The following MACROD2 variants were observed in gnomAD, a reference collection of about 807,000 sequenced individuals.
MACROD2 encodes mono-ADP ribosylhydrolase 2, also known as ADP-ribose glycohydrolase MACROD2.
Under a neutral mutation model 70.4 loss-of-function variants are expected in MACROD2, and 36 were observed. That is an observed-to-expected ratio of 0.51 (90% CI 0.39 to 0.68). MACROD2 has a LOEUF of 0.68. Among genes scored for constraint, MACROD2 ranks in the 30% least tolerant of loss-of-function variants. The probability of loss-of-function intolerance (pLI) is 0.00; values close to 1 mark genes in which losing one functional copy is unlikely to be tolerated. For missense variants in MACROD2, 496 were observed against 538.4 expected (o/e 0.92, Z 0.78); for synonymous variants, 172 against 178.8 (o/e 0.96, Z 0.30).
chr20:14,571,444 A>G (rs1366609963), intron 4 of MACROD2, among the ~76,000 whole-genome samples: 1 of 152,048 alleles, frequency 6.6e-6, no homozygotes, highest in Non-Finnish European at 1.5e-5. Context: ...CCTGGAAAGC[A>G]CTGAGTTTCC....
intron 5 of MACROD2, among the ~76,000 whole-genome samples, chr20:15,046,993 T>C (rs399275): frequency 0.2 from 30,636 of 152,140 alleles, 3,334 homozygotes; most frequent in African/African-American, 0.27. Context: ...CATATTTCTT[T>C]ATGTCTCTTT....
chr20:14,750,338 G>T (rs775043459), intron 5 of MACROD2, among the ~76,000 whole-genome samples: 17 of 151,980 alleles, frequency 1.1e-4, no homozygotes, highest in Non-Finnish European at 2.1e-4. Context: ...TCTGAATATT[G>T]TCATGTTTCA....
chr20:14,914,578 A>G (rs1412148983), intron 5 of MACROD2, among the ~76,000 whole-genome samples: 5 of 152,332 alleles, frequency 3.3e-5, no homozygotes, highest in Non-Finnish European at 7.3e-5. Flanking sequence ...AAGAAACCAT[A>G]AAAGAGCAGT....
chr20:14,853,812 G>C (rs1407855629), intron 5 of MACROD2, among the ~76,000 whole-genome samples: 2 of 147,502 alleles, frequency 1.4e-5, no homozygotes, highest in African/African-American at 2.5e-5. Flanking sequence ...AAACTTTTTT[G>C]TTTTGTTTTG....
chr20:14,666,960 G>A (rs980611775), intron 4 of MACROD2, among the ~76,000 whole-genome samples: 14 of 151,390 alleles, frequency 9.2e-5, no homozygotes, highest in Non-Finnish European at 1.8e-4. Flanking sequence ...AGGCTGCAGA[G>A]GAACTGAAGG....
At chr20:14,359,045 A>G (rs1159669025) in intron 3 of MACROD2, among the ~76,000 whole-genome samples, 2 of 152,026 alleles carry the variant, frequency 1.3e-5, no homozygotes, top group Non-Finnish European at 1.5e-5. Context: ...AAAATTAGCC[A>G]GGCATAGTGG....
At chr20:15,309,628 T>C (rs1049691517) in intron 6 of MACROD2, among the ~76,000 whole-genome samples, 1 of 152,308 alleles carries the variant, frequency 6.6e-6, no homozygotes, top group Admixed American at 6.5e-5. Context: ...ATTTGCTTGG[T>C]ATCAAGAACT....
At chr20:16,039,367 G>C (rs965287749) in intron 15 of MACROD2, among the ~76,000 whole-genome samples, 3 of 151,652 alleles carry the variant, frequency 2.0e-5, no homozygotes, top group African/African-American at 7.3e-5. Flanking sequence ...TTTATTAACT[G>C]TCTGTTAAAT....
intron 6 of MACROD2, among the ~76,000 whole-genome samples, chr20:15,373,846 A>AT (rs1195093833): frequency 3.9e-5 from 6 of 152,142 alleles, no homozygotes; most frequent in East Asian, 1.9e-4. Context: ...GTATTTTGAC[A>AT]TTTTTTGTAA....
intron 6 of MACROD2, among the ~76,000 whole-genome samples, chr20:15,243,004 A>G (rs1287898357): frequency 6.6e-6 from 1 of 152,216 alleles, no homozygotes; most frequent in Non-Finnish European, 1.5e-5. Flanking sequence ...TCTAAAGCTG[A>G]GATGATTGTT....
intron 4 of MACROD2, among the ~76,000 whole-genome samples, chr20:14,642,830 T>C (rs1670872893): frequency 1.3e-5 from 2 of 151,960 alleles, no homozygotes; most frequent in African/African-American, 2.4e-5. Context: ...GTTAGAAATA[T>C]TGCAAAAATT....
At chr20:14,607,485 T>G (rs1341440765) in intron 4 of MACROD2, among the ~76,000 whole-genome samples, 1 of 152,236 alleles carries the variant, frequency 6.6e-6, no homozygotes, top group Non-Finnish European at 1.5e-5. Flanking sequence ...CACTGTGATT[T>G]TATGAACTCT....
intron 10 of MACROD2, among the ~76,000 whole-genome samples, chr20:15,910,125 C>CCAT (rs1184098228): frequency 6.6e-6 from 1 of 152,140 alleles, no homozygotes; most frequent in African/African-American, 2.4e-5. Flanking sequence ...TTCTGTTACG[C>CCAT]CATCATCAAC....
At chr20:15,484,533 G>T (rs975891731) in intron 7 of MACROD2, among the ~76,000 whole-genome samples, 1 of 152,116 alleles carries the variant, frequency 6.6e-6, no homozygotes, top group Non-Finnish European at 1.5e-5. Flanking sequence ...CTTTCCCCAG[G>T]TTGGTTAGGA....
At chr20:14,105,725 G>A (rs2054360579) in intron 3 of MACROD2, among the ~76,000 whole-genome samples, 1 of 152,172 alleles carries the variant, frequency 6.6e-6, no homozygotes, top group East Asian at 1.9e-4. Context: ...GCAGTTTGCA[G>A]CAACAAAAGT....
chr20:14,674,825 T>C (rs1343783376), intron 4 of MACROD2, among the ~76,000 whole-genome samples: 1 of 152,244 alleles, frequency 6.6e-6, no homozygotes, highest in Non-Finnish European at 1.5e-5. Flanking sequence ...TTGTATCCTC[T>C]TGGGCTTCTG....
At chr20:14,855,597 GT>G (rs71190156) in intron 5 of MACROD2, among the ~76,000 whole-genome samples, 5,226 of 76,556 alleles carry the variant, frequency 0.068, 57 homozygotes, top group Non-Finnish European at 0.081. Context: ...ATCCTACCAA[GT>G]TTTTTTTTTT....
intron 10 of MACROD2, among the ~76,000 whole-genome samples, chr20:15,901,256 C>A (rs1456662553): frequency 6.6e-6 from 1 of 152,124 alleles, no homozygotes; most frequent in Non-Finnish European, 1.5e-5. Context: ...TCTTCCTGAT[C>A]TCTATTCCCC....
chr20:14,842,716 T>C (rs1485390861), intron 5 of MACROD2, among the ~76,000 whole-genome samples: 2 of 152,156 alleles, frequency 1.3e-5, no homozygotes, highest in African/African-American at 4.8e-5. Context: ...CTGATCTTTT[T>C]CTATCTCTAC....
Sources: allele counts gnomAD v4.1 joint callset (sites outside exome capture counted in the v4.1 genomes callset), GRCh38; gene constraint gnomAD v4.1.1; transcripts MANE v1.5; gene names NCBI Gene and HGNC (gene_info 2026-07-23, HGNC 2026-07-21).